Variants in OLAH observed in about 807,000 individuals in gnomAD.
OLAH encodes oleoyl-ACP hydrolase.
In OLAH, 33 loss-of-function variants were observed where a neutral mutation model predicts 27.8. The observed-to-expected ratio is 1.19, with a 90% CI of 0.90 to 1.59. The LOEUF (loss-of-function observed/expected upper bound fraction) is 1.59. Among genes scored for constraint, OLAH ranks in the 40% most tolerant of loss-of-function variants. The probability of loss-of-function intolerance (pLI) is 0.00; values close to 1 mark genes in which losing one functional copy is unlikely to be tolerated. For synonymous variants in OLAH, 120 were observed against 102.9 expected, an observed-to-expected ratio of 1.17 and a Z score of -1.01; for missense variants, 359 against 310.8, an observed-to-expected ratio of 1.16 and a Z score of -1.17.
intron 2 of OLAH, 113 bp from the exon 3 acceptor site, chr10:15,049,522 A>G: frequency 5.5e-6 from 4 of 733,068 alleles, no homozygotes; most frequent in Non-Finnish European, 8.2e-6. Flanking sequence ...CACTTTATAT[A>G]TGAACATATG....
chr10:15,073,330 TCTA>T lies in OLAH; in HGVS notation c.*104_*106del. On this transcript the variant is annotated 3_prime_UTR_variant, in exon 8 of 8. Coordinates refer to ENST00000378228, the MANE Select transcript of OLAH (RefSeq NM_001039702.3). ...TATTCAGATTGGAAATTACACATTT[TCTA>T]CTGTCAGGGAGATTCGTTACATAAA... The T allele has an allele frequency of 1.3e-6, 1 of 779,564 alleles. No individual in the cohort carries two copies. The highest frequency in any genetic ancestry group is 2.0e-6 in the Non-Finnish European group (1 of 493,830). The allele number at this position is 779,564 out of a possible 1,614,324, so 48.3% of individuals were successfully genotyped here.
Position 15,046,323 on chromosome 10 carries a change from T to TATAAATAAATAAATAA in OLAH, c.-163-788_-163-773dup, listed in dbSNP as rs113256684. On this transcript the variant is annotated intron_variant, in intron 1 of 7. Coordinates refer to ENST00000378228, the MANE Select transcript of OLAH (RefSeq NM_001039702.3). ...AGAGTGAGACTCCGTCTCAAAAAAA[T>TATAAATAAATAAATAA]ATAAATAAATAAATAAATAAATAAA... Among the ~76,000 whole-genome samples, 251 of 149,150 alleles carry TATAAATAAATAAATAA rather than the reference T, an allele frequency of 1.7e-3. 1 individual carries two copies. The highest frequency in any genetic ancestry group is 5.9e-3 in the African/African-American group (240 of 40,592).
At chr10:15,038,333 G>C (rs535440446) in intron 1 of OLAH, among the ~76,000 whole-genome samples, 34 of 152,276 alleles carry the variant, frequency 2.2e-4, no homozygotes, top group African/African-American at 7.9e-4. Flanking sequence ...TTAAGACTTT[G>C]GGGGACTGTT....
At chr10:15,073,046 C>A in intron 7 of OLAH, 41 bp from the exon 8 acceptor site, 2 of 1,586,230 alleles carry the variant, frequency 1.3e-6, no homozygotes, top group Non-Finnish European at 1.7e-6. Flanking sequence ...TCTTTAGTTG[C>A]TGTTGGTGTT....
chr10:15,070,995 G>A (rs1844575606), intron 6 of OLAH, among the ~76,000 whole-genome samples: 1 of 151,848 alleles, frequency 6.6e-6, no homozygotes, highest in South Asian at 2.1e-4. Context: ...TGTTGCCCAG[G>A]CTGGTCTCAA....
upstream of OLAH, among the ~76,000 whole-genome samples, chr10:15,041,144 G>A (rs1224615143): frequency 6.6e-6 from 1 of 152,170 alleles, no homozygotes; most frequent in Non-Finnish European, 1.5e-5. Flanking sequence ...TTTTCCCACA[G>A]GCAAAGAGAA....
chr10:15,053,818 G>T lies in OLAH; in HGVS notation c.163+4053G>T, dbSNP rs192875886. Reference sequence around the variant, plus strand: ...CAGCCTCAACCTCCCAGGCTCAAGCGATCCTCCCACCCCAGCCTTCCAACT... The same window carrying T: ...CAGCCTCAACCTCCCAGGCTCAAGCTATCCTCCCACCCCAGCCTTCCAACT... On this transcript the variant is annotated intron_variant, in intron 3 of 7. Coordinates refer to ENST00000378228, the MANE Select transcript of OLAH (RefSeq NM_001039702.3). Among the ~76,000 whole-genome samples the T allele has an allele frequency of 2.7e-4, 41 of 151,444 alleles. No individual in the cohort carries two copies. The South Asian group carries it at 7.1e-3, about 26-fold the overall frequency.
chr10:15,038,428 T>TTTCATCTC (rs1843874378), intron 1 of OLAH, among the ~76,000 whole-genome samples: 1 of 152,090 alleles, frequency 6.6e-6, no homozygotes, highest in Non-Finnish European at 1.5e-5. Flanking sequence ...CCCACCGAAA[T>TTTCATCTC]TTCATCTCGA....
In OLAH at chr10:15,073,559, CTGAGGCAGGAGAA is replaced by C. The variant is rs948083004; in HGVS notation, c.*333_*345del. On this transcript the variant is annotated 3_prime_UTR_variant, in exon 8 of 8. Transcript: ENST00000378228. ...CCTGTAGTCCCAGCTACTCGGGAGGCTGAGGCAGGAGAATGGTGTGAACCTGGGAGGTGGAGCT... is the reference window on the plus strand; with the variant it reads ...CCTGTAGTCCCAGCTACTCGGGAGGCTGGTGTGAACCTGGGAGGTGGAGCT... The C allele has an allele frequency of 3.8e-5, 7 of 185,640 alleles. No individual in the cohort carries two copies. Among genetic ancestry groups the C allele is most frequent in the African/African-American group, 1.7e-4 (7 of 41,258 alleles). 11.5% of individuals were successfully genotyped at this position (185,640 alleles called of 1,614,324 possible).
At chr10:15,063,975 TTCATTAGAGTAAAAAAGGCAA>T (rs1223285822) in intron 4 of OLAH, among the ~76,000 whole-genome samples, 2 of 152,172 alleles carry the variant, frequency 1.3e-5, no homozygotes, top group East Asian at 3.8e-4. Flanking sequence ...CCACTGTGTA[TTCATTAGAGTAAAAAAGGCAA>T]ATAACATTTT....
At chr10:15,036,666 T>C (rs1251001716) in intron 1 of OLAH, among the ~76,000 whole-genome samples, 4 of 152,050 alleles carry the variant, frequency 2.6e-5, no homozygotes, top group Non-Finnish European at 4.4e-5. Flanking sequence ...TTAAAAATTT[T>C]TGTAGGGATT....
upstream of OLAH, among the ~76,000 whole-genome samples, chr10:15,040,652 G>A (rs1458242506): frequency 2.0e-5 from 3 of 151,116 alleles, no homozygotes; most frequent in Non-Finnish European, 2.9e-5. Context: ...AGCAATAACC[G>A]CTACCCCGTT....
intron 1 of OLAH, among the ~76,000 whole-genome samples, chr10:15,044,754 TATC>T (rs1843983193): frequency 6.6e-6 from 1 of 152,218 alleles, no homozygotes; most frequent in Admixed American, 6.5e-5. Flanking sequence ...TACTTGAAGA[TATC>T]ATTCTATTCT....
chr10:15,037,912 A>G (rs1488763739), intron 1 of OLAH, among the ~76,000 whole-genome samples: 1 of 152,258 alleles, frequency 6.6e-6, no homozygotes, highest in African/African-American at 2.4e-5. Context: ...AAAGAGCCAC[A>G]GGCCAGGAAC....
chr10:15,034,861 G>A (rs1402480067), intron 1 of OLAH, among the ~76,000 whole-genome samples: 2 of 149,856 alleles, frequency 1.3e-5, no homozygotes, highest in Non-Finnish European at 2.9e-5. Flanking sequence ...GCATGCAGTG[G>A]CACGATCTCG....
chr10:15,054,388 C>CTTA (rs1844205781), intron 3 of OLAH, among the ~76,000 whole-genome samples: 1 of 152,202 alleles, frequency 6.6e-6, no homozygotes, highest in African/African-American at 2.4e-5. Flanking sequence ...AAACTTGCCT[C>CTTA]AGTCTCTCAG....
chr10:15,048,371 C>A (rs995203666), intron 2 of OLAH, among the ~76,000 whole-genome samples: 1 of 152,188 alleles, frequency 6.6e-6, no homozygotes, highest in Non-Finnish European at 1.5e-5. Context: ...GTGCCCACCA[C>A]CACACCCAGC....
chr10:15,041,502 T>C (rs993541624), upstream of OLAH, among the ~76,000 whole-genome samples: 1 of 151,932 alleles, frequency 6.6e-6, no homozygotes, highest in Non-Finnish European at 1.5e-5. Flanking sequence ...GGTCTCAAAC[T>C]CCTGACCTCA....
chr10:15,073,075 G>A lies in OLAH; in HGVS notation c.656-12G>A. On this transcript the variant is annotated splice_polypyrimidine_tract_variant and intron_variant, in intron 7 of 7. Transcript: ENST00000378228. Reference sequence around the variant, plus strand: ...TGGTGTTGTTATTGAATACAATCTTGTTTATTTTCAGCCTGGAAAGATGTA... The same window carrying A: ...TGGTGTTGTTATTGAATACAATCTTATTTATTTTCAGCCTGGAAAGATGTA... The A allele has an allele frequency of 6.2e-7, 1 of 1,610,638 alleles. No homozygotes were observed. Among genetic ancestry groups the A allele is most frequent in the Admixed American group, 1.7e-5 (1 of 59,118 alleles).
Sources: gnomAD v4.1 joint callset for allele counts (sites outside exome capture counted in the v4.1 genomes callset) on GRCh38, gnomAD v4.1.1 for gene constraint, MANE v1.5 for transcripts, NCBI Gene and HGNC (gene_info 2026-07-23, HGNC 2026-07-21) for gene names.